The following NTN1 variants were observed in gnomAD, a reference collection of about 807,000 sequenced individuals.
NTN1 encodes netrin-1.
A neutral mutation model predicts 54.2 loss-of-function variants in NTN1; 11 were observed. The observed-to-expected ratio is 0.20, with a 90% CI of 0.13 to 0.34. The LOEUF is 0.34. Ranked by LOEUF, NTN1 falls within the 10% of genes least tolerant of loss-of-function variation. The probability of loss-of-function intolerance (pLI) is 1.00; values close to 1 mark genes in which losing one functional copy is unlikely to be tolerated. For synonymous variants in NTN1, 371 were observed against 382.0 expected, an observed-to-expected ratio of 0.97 and a Z score of 0.33; for missense variants, 740 against 893.1, an observed-to-expected ratio of 0.83 and a Z score of 2.18.
At chr17:9,116,299 GCCACCCAC>G (rs72143235) in intron 2 of NTN1, among the ~76,000 whole-genome samples, 6 of 151,156 alleles carry the variant, frequency 4.0e-5, no homozygotes, top group African/African-American at 7.3e-5. Flanking sequence ...AGAGTTTTGA[GCCACCCAC>G]CCACCCACCC....
chr17:9,195,386 C>T (rs1008219488), intron 5 of NTN1, among the ~76,000 whole-genome samples: 3 of 152,194 alleles, frequency 2.0e-5, no homozygotes, highest in Non-Finnish European at 4.4e-5. Context: ...AATATTTAGC[C>T]CTTCTTGGGA....
intron 2 of NTN1, among the ~76,000 whole-genome samples, chr17:9,042,645 G>A (rs1376889757): frequency 1.3e-5 from 2 of 152,110 alleles, no homozygotes; most frequent in African/African-American, 4.8e-5. Context: ...AAATTAGCTG[G>A]GTGTGGTGGC....
chr17:9,221,261 G>T lies in NTN1; in HGVS notation c.1486+19G>T. The T allele has an allele frequency of 6.3e-7, 1 of 1,596,360 alleles. No individual in the cohort carries two copies. The highest frequency in any genetic ancestry group is 1.1e-5 in the South Asian group (1 of 90,676). The stretch of plus-strand genomic sequence containing the variant: ...GACTATGGTGAGTGAGAGTCCCCTT[G>T]TCTGGGGAGGATGGGAGGGGGCCAC... On this transcript the variant is annotated intron_variant, in intron 6 of 6. Transcript: ENST00000173229. This position sits in a 1 kb window ranked among gnomAD's most constrained non-coding sequence, Gnocchi z 4.5.
the NTN1 span, among the ~76,000 whole-genome samples, chr17:9,004,570 C>T: frequency 6.6e-6 from 1 of 152,204 alleles, no homozygotes; most frequent in Non-Finnish European, 1.5e-5. Context: ...GTTGCGGCAC[C>T]CCCAGCCCAC....
chr17:9,011,006 G>A, the NTN1 span, among the ~76,000 whole-genome samples: 7 of 152,008 alleles, frequency 4.6e-5, no homozygotes, highest in Non-Finnish European at 8.8e-5. Flanking sequence ...ATGGGAGACA[G>A]TGACAGATCA....
intron 2 of NTN1, among the ~76,000 whole-genome samples, chr17:9,124,238 C>T (rs73976411): frequency 0.071 from 10,846 of 152,264 alleles, 524 homozygotes; most frequent in East Asian, 0.13. Flanking sequence ...TTGGGTGTGC[C>T]GGGCACAATC....
chr17:9,133,336 G>A (rs754239710), intron 2 of NTN1, among the ~76,000 whole-genome samples: 12 of 152,222 alleles, frequency 7.9e-5, no homozygotes, highest in Non-Finnish European at 1.6e-4. Flanking sequence ...AAGACCAGGA[G>A]GTCAGGTGCT....
chr17:9,056,816 G>A (rs1285656914), intron 2 of NTN1, among the ~76,000 whole-genome samples: 2 of 152,190 alleles, frequency 1.3e-5, no homozygotes, highest in African/African-American at 4.8e-5. Context: ...GCTCCACCCC[G>A]TGAGATGTGG....
At chr17:9,060,791 C>T (rs989563960) in intron 2 of NTN1, among the ~76,000 whole-genome samples, 5 of 152,008 alleles carry the variant, frequency 3.3e-5, no homozygotes, top group Non-Finnish European at 7.4e-5. Context: ...TCCTGGCCAA[C>T]ATGGTGAAAC....
chr17:9,141,572 A>G (rs915484029), intron 2 of NTN1, among the ~76,000 whole-genome samples: 4 of 152,106 alleles, frequency 2.6e-5, no homozygotes, highest in Non-Finnish European at 5.9e-5. Flanking sequence ...AGGCAGCACC[A>G]TGGAAGCTGG....
At chr17:9,041,506 A>T (rs8073939) in intron 2 of NTN1, among the ~76,000 whole-genome samples, 1 of 152,240 alleles carries the variant, frequency 6.6e-6, no homozygotes, top group African/African-American at 2.4e-5. Context: ...CATCCATGTT[A>T]TAGCAGTACT....
rs1004506544 is a variant in NTN1 at position 9,185,025 on chromosome 17, C to T, written c.1411+2056C>T. On this transcript the variant is annotated intron_variant, in intron 5 of 6. Transcript: ENST00000173229. ...TTTAAAAGCATGGTTTAAACCGAAG[C>T]GAGCAGTAAATAAACACCCTTATAA... Among the ~76,000 whole-genome samples the T allele has an allele frequency of 2.0e-5, 3 of 152,298 alleles. 1 individual carries two copies. Among genetic ancestry groups the T allele is most frequent in the Admixed American group, 2.0e-4 (3 of 15,294 alleles).
chr17:9,206,977 G>C (rs1904984273), intron 5 of NTN1, among the ~76,000 whole-genome samples: 1 of 152,104 alleles, frequency 6.6e-6, no homozygotes, highest in South Asian at 2.1e-4. Flanking sequence ...TGTTTACAGA[G>C]ACTCGAGCCT....
chr17:9,128,673 T>G (rs992322903), intron 2 of NTN1, among the ~76,000 whole-genome samples: 1 of 152,138 alleles, frequency 6.6e-6, no homozygotes, highest in Admixed American at 6.5e-5. Context: ...CCAGGATCCT[T>G]GGTATACCGG....
At chr17:9,137,052 A>C (rs1310985119) in intron 2 of NTN1, among the ~76,000 whole-genome samples, 4 of 151,960 alleles carry the variant, frequency 2.6e-5, no homozygotes, top group Non-Finnish European at 5.9e-5. Context: ...CTTGGCCTGG[A>C]ATTTCATTTT....
intron 2 of NTN1, among the ~76,000 whole-genome samples, chr17:9,129,650 C>A (rs2092258073): frequency 6.6e-6 from 1 of 152,216 alleles, no homozygotes; most frequent in Non-Finnish European, 1.5e-5. Flanking sequence ...GTTTGCTTCT[C>A]AGTTAAGGAT....
At chr17:9,224,649 C>T (rs1597547354) in intron 6 of NTN1, among the ~76,000 whole-genome samples, 1 of 152,240 alleles carries the variant, frequency 6.6e-6, no homozygotes, top group Non-Finnish European at 1.5e-5. Flanking sequence ...CACAATTCCT[C>T]CAGAGAGCTG....
At chr17:9,110,332 C>T (rs1272009974) in intron 2 of NTN1, among the ~76,000 whole-genome samples, 1 of 150,466 alleles carries the variant, frequency 6.6e-6, no homozygotes, top group Non-Finnish European at 1.5e-5. Context: ...TGCAGTGATG[C>T]GATCTTGGCT....
At chr17:9,044,706 T>A (rs1381719708) in intron 2 of NTN1, among the ~76,000 whole-genome samples, 1 of 148,556 alleles carries the variant, frequency 6.7e-6, no homozygotes, top group Non-Finnish European at 1.5e-5. Flanking sequence ...CTCCAGATAC[T>A]CTATATTCTT....
Sources: gnomAD v4.1 joint callset for allele counts (sites outside exome capture counted in the v4.1 genomes callset) on GRCh38, gnomAD v4.1.1 for gene constraint, Gnocchi (gnomAD v3.1) non-coding constraint, MANE v1.5 for transcripts, NCBI Gene and HGNC (gene_info 2026-07-23, HGNC 2026-07-21) for gene names.